The following AKR1C8 variants were observed in gnomAD, a reference collection of about 807,000 sequenced individuals.
AKR1C8 encodes the protein aldo-keto reductase family 1 member C-like protein 1.
the AKR1C8 span, among the ~76,000 whole-genome samples, chr10:5,176,815 T>C: frequency 6.6e-6 from 1 of 152,210 alleles, no homozygotes; most frequent in Non-Finnish European, 1.5e-5. Context: ...TTGTGATTTT[T>C]GTACATTGAG....
the AKR1C8 span, among the ~76,000 whole-genome samples, chr10:5,158,112 G>A: frequency 1.2e-4 from 19 of 152,304 alleles, no homozygotes; most frequent in South Asian, 6.2e-4. Context: ...GGTGAAAGAA[G>A]CCAGGTGCAA....
the AKR1C8 span, among the ~76,000 whole-genome samples, chr10:5,141,170 TA>T: frequency 6.6e-6 from 1 of 152,144 alleles, no homozygotes; most frequent in East Asian, 1.9e-4. Flanking sequence ...TCACAATGGT[TA>T]AGAAAAGAGT....
the AKR1C8 span, among the ~76,000 whole-genome samples, chr10:5,147,492 T>C: frequency 1.3e-5 from 2 of 151,982 alleles, no homozygotes; most frequent in African/African-American, 4.8e-5. Context: ...AACATCGTTA[T>C]CAGTTGTGAG....
the AKR1C8 span, among the ~76,000 whole-genome samples, chr10:5,168,420 C>T: frequency 1.3e-5 from 2 of 152,092 alleles, no homozygotes; most frequent in African/African-American, 2.4e-5. Flanking sequence ...ACCACCCAAA[C>T]CCCCGAGTCC....
At chr10:5,180,693 G>C in the AKR1C8 span, among the ~76,000 whole-genome samples, 1 of 152,226 alleles carries the variant, frequency 6.6e-6, no homozygotes, top group Admixed American at 6.5e-5. Flanking sequence ...GGCAATGGCG[G>C]GTGCCCCTCC....
chr10:5,157,946 T>G, the AKR1C8 span: 1 of 338,508 alleles, frequency 3.0e-6, no homozygotes, highest in South Asian at 2.4e-5. Context: ...ACTATTCATA[T>G]GGATTCATTC....
chr10:5,128,036 G>A, the AKR1C8 span, among the ~76,000 whole-genome samples: 3 of 152,206 alleles, frequency 2.0e-5, no homozygotes, highest in East Asian at 3.9e-4. Flanking sequence ...TGAGAAAAAA[G>A]CATCAGGTAA....
chr10:5,123,006 G>C, the AKR1C8 span, among the ~76,000 whole-genome samples: 1 of 152,124 alleles, frequency 6.6e-6, no homozygotes, highest in Admixed American at 6.5e-5. Flanking sequence ...ATCAAGAAAA[G>C]CAGATGTCGC....
At chr10:5,116,676 C>T in the AKR1C8 span, among the ~76,000 whole-genome samples, 1 of 152,190 alleles carries the variant, frequency 6.6e-6, no homozygotes, top group Non-Finnish European at 1.5e-5. Flanking sequence ...TTTCTCCTTC[C>T]ATGCAAAGTG....
At chr10:5,153,003 T>C in the AKR1C8 span, among the ~76,000 whole-genome samples, 1 of 152,150 alleles carries the variant, frequency 6.6e-6, no homozygotes, top group Non-Finnish European at 1.5e-5. Context: ...GGGCAATCAG[T>C]GGCCTTATCA....
chr10:5,170,645 A>G, the AKR1C8 span, among the ~76,000 whole-genome samples: 1 of 152,086 alleles, frequency 6.6e-6, no homozygotes, highest in South Asian at 2.1e-4. Context: ...TTTACTTACC[A>G]TGGATCAGAA....
the AKR1C8 span, among the ~76,000 whole-genome samples, chr10:5,179,001 T>G: frequency 2.6e-5 from 4 of 152,028 alleles, no homozygotes; most frequent in South Asian, 2.1e-4. Context: ...ATTATTATGT[T>G]TGAATTTGAT....
the AKR1C8 span, among the ~76,000 whole-genome samples, chr10:5,173,672 T>G: frequency 6.6e-6 from 1 of 151,892 alleles, no homozygotes; most frequent in Non-Finnish European, 1.5e-5. Context: ...CTACTCAGAC[T>G]TTTGGCCTTT....
the AKR1C8 span, among the ~76,000 whole-genome samples, chr10:5,148,998 C>T: frequency 6.6e-6 from 1 of 151,972 alleles, no homozygotes; most frequent in African/African-American, 2.4e-5. Context: ...GGAAAGGAAT[C>T]CTGGAAGACA....
chr10:5,123,285 CTCTGA>C, the AKR1C8 span: 1 of 236,072 alleles, frequency 4.2e-6, no homozygotes. Flanking sequence ...TGCATGTTCT[CTCTGA>C]TCTGCTGTTC....
At chr10:5,148,675 C>T in the AKR1C8 span, among the ~76,000 whole-genome samples, 8 of 152,060 alleles carry the variant, frequency 5.3e-5, no homozygotes, top group African/African-American at 7.2e-5. Context: ...ATTTGTCTTG[C>T]GCTCAATAAA....
chr10:5,124,793 G>A, the AKR1C8 span, among the ~76,000 whole-genome samples: 1 of 152,012 alleles, frequency 6.6e-6, no homozygotes, highest in African/African-American at 2.4e-5. Flanking sequence ...ATTAGATCTG[G>A]CCACCATTAA....
the AKR1C8 span, among the ~76,000 whole-genome samples, chr10:5,161,483 G>T: frequency 2.6e-5 from 4 of 152,122 alleles, no homozygotes; most frequent in East Asian, 7.7e-4. Context: ...AAAGAGGTGG[G>T]GGTTCCCATT....
chr10:5,143,707 ATATT>A, the AKR1C8 span, among the ~76,000 whole-genome samples: 1 of 148,090 alleles, frequency 6.8e-6, no homozygotes, highest in Non-Finnish European at 1.5e-5. Context: ...ATTATTAAAT[ATATT>A]TAGATATATA....
Sources: gnomAD v4.1 joint callset for allele counts (sites outside exome capture counted in the v4.1 genomes callset) on GRCh38, gnomAD v4.1.1 for gene constraint, MANE v1.5 for transcripts, NCBI Gene and HGNC (gene_info 2026-07-23, HGNC 2026-07-21) for gene names.